The following ADAMTS20 variants were observed in gnomAD, a reference collection of about 807,000 sequenced individuals.
ADAMTS20 encodes the protein A disintegrin and metalloproteinase with thrombospondin motifs 20.
In ADAMTS20, 225 loss-of-function variants were observed where a neutral mutation model predicts 260.1. The ratio of observed to expected loss-of-function variants is 0.87; its 90% CI spans 0.78 to 0.97. The LOEUF is 0.97. ADAMTS20 is among the 50% of genes least tolerant of loss of function. The pLI is 0.00. For synonymous variants in ADAMTS20, 802 were observed against 769.5 expected (o/e 1.04, Z -0.70); for missense variants, 2,400 against 2,337.7 (o/e 1.03, Z -0.55).
In ADAMTS20 at chr12:43,377,369, C is replaced by T; in HGVS notation, c.4991G>A (p.Ser1664Asn). The T allele has an allele frequency of 1.2e-6, 2 of 1,610,260 alleles. No homozygotes were observed. The highest frequency in any genetic ancestry group is 1.7e-6 in the Non-Finnish European group (2 of 1,177,696). Residue 1664 changes from serine to asparagine, a missense_variant, in exon 32 of 39, where the codon AGC becomes AAC. Physicochemically the swap from Ser to Asn is conservative, Grantham distance 46. Transcript: ENST00000389420. ...HLATWKVGKW[S>N]KCSVTCGIGI... is the part of the protein sequence containing the mutation. ...AATTCATAATTGTACACCGACCTTG[C>T]TCCATTTTCCAACTTTCCAAGTGGC...
chr12:43,549,551 G>A (rs1943485176), intron 2 of ADAMTS20, among the ~76,000 whole-genome samples: 1 of 152,104 alleles, frequency 6.6e-6, no homozygotes, highest in African/African-American at 2.4e-5. Flanking sequence ...TTCCCATCTG[G>A]AATGCTTTTC....
At position 43,375,502 on chromosome 12, in the gene ADAMTS20, G is replaced by A; in HGVS notation, c.5323C>T (p.Pro1775Ser). Residue 1775 changes from proline (P) to serine (S), a missense_variant, in exon 36 of 39, where the codon CCA becomes TCA. Coordinates refer to ENST00000389420, the MANE Select transcript of ADAMTS20 (RefSeq NM_025003.5). ...CTCCCATTAAAAGGACATTGATATG[G>A]ATTTTTTAGTCTGTAACAACATTGG... ...SEVYGFRLKN[P>S]YQCPFNGSRR... The A allele has an allele frequency of 6.2e-7, 1 of 1,613,150 alleles. No individual in the cohort carries two copies. Among genetic ancestry groups the A allele is most frequent in the Non-Finnish European group, 8.5e-7 (1 of 1,179,458 alleles).
intron 37 of ADAMTS20, 100 bp downstream of exon 37, chr12:43,369,190 T>A: frequency 1.5e-6 from 1 of 646,152 alleles, no homozygotes; most frequent in East Asian, 3.6e-5. Context: ...CATTTCTATT[T>A]ACTTATGTTT....
chr12:43,382,682 A>G (rs1940380104), intron 31 of ADAMTS20, among the ~76,000 whole-genome samples: 1 of 152,096 alleles, frequency 6.6e-6, no homozygotes, highest in Non-Finnish European at 1.5e-5. Flanking sequence ...AAAATTCAAG[A>G]AAAAAATAAA....
intron 2 of ADAMTS20, among the ~76,000 whole-genome samples, chr12:43,538,480 T>C (rs554001013): frequency 2.6e-4 from 39 of 152,354 alleles, no homozygotes; most frequent in African/African-American, 8.2e-4. Context: ...CTCTTCACTT[T>C]GTTGATTGTA....
At chr12:43,446,278 C>A (rs1448175723) in intron 15 of ADAMTS20, among the ~76,000 whole-genome samples, 1 of 152,100 alleles carries the variant, frequency 6.6e-6, no homozygotes. Flanking sequence ...AGGGAAAAAA[C>A]CATTTCATTA....
intron 2 of ADAMTS20, among the ~76,000 whole-genome samples, chr12:43,542,211 A>C (rs764194947): frequency 1.3e-5 from 2 of 152,226 alleles, no homozygotes; most frequent in Non-Finnish European, 2.9e-5. Flanking sequence ...CTGTCTCCAA[A>C]ATATCCGTGA....
intron 16 of ADAMTS20, among the ~76,000 whole-genome samples, chr12:43,442,628 G>A (rs189888094): frequency 1.1e-4 from 16 of 152,130 alleles, no homozygotes; most frequent in East Asian, 9.7e-4. Context: ...GTCTACATTT[G>A]GAATCTAAGA....
chr12:43,470,261 G>T (rs1399962246), intron 7 of ADAMTS20, among the ~76,000 whole-genome samples: 1 of 152,082 alleles, frequency 6.6e-6, no homozygotes, highest in Non-Finnish European at 1.5e-5. Context: ...TTTTCAATTT[G>T]CCAAATTACA....
Position 43,502,419 on chromosome 12 carries a change from AAG to A in ADAMTS20, c.614-16_614-15del, listed in dbSNP as rs777956174. The stretch of plus-strand genomic sequence containing the variant: ...TTATTTGACTTTCTAGGGAGAAAAA[AAG>A]AATATAATGCAGAGCCATTAAATTG... On this transcript the variant is annotated splice_polypyrimidine_tract_variant and intron_variant, in intron 3 of 38. Coordinates refer to ENST00000389420, the MANE Select transcript of ADAMTS20 (RefSeq NM_025003.5). 4 of 1,575,454 alleles carry A rather than the reference AAG, an allele frequency of 2.5e-6. No individual in the cohort carries two copies. The highest frequency in any genetic ancestry group is 1.2e-5 in the South Asian group (1 of 82,928).
At position 43,436,737 on chromosome 12, in the gene ADAMTS20, C is replaced by G. The variant is rs1161745582; in HGVS notation, c.2594-2366G>C. Among the ~76,000 whole-genome samples the G allele has an allele frequency of 7.9e-5, 12 of 152,178 alleles. No individual in the cohort carries two copies. In the East Asian group the frequency reaches 2.3e-3, roughly 29 times the overall value. On this transcript the variant is annotated intron_variant, in intron 18 of 38. Transcript: ENST00000389420. ...GAAACAAGGTGGCTAAATAAAATTC[C>G]CCACACTGAATGATGTGATCCCAGC...
intron 5 of ADAMTS20, 42 bp from the exon 6 acceptor site, chr12:43,492,671 C>G: frequency 1.2e-6 from 2 of 1,603,804 alleles, no homozygotes; most frequent in Non-Finnish European, 1.7e-6. Flanking sequence ...AAAATATTAA[C>G]GTCCTCTTTT....
chr12:43,385,069 A>C (rs942962623), intron 29 of ADAMTS20, among the ~76,000 whole-genome samples: 1 of 152,120 alleles, frequency 6.6e-6, no homozygotes, highest in Non-Finnish European at 1.5e-5. Flanking sequence ...TTACTCTCCC[A>C]CCAACAGTGT....
rs1943325472 is a variant in ADAMTS20 at position 43,538,305 on chromosome 12, TTG to T, written c.454-6112_454-6111del. Among the ~76,000 whole-genome samples, 3 of 152,232 alleles carry T rather than the reference TTG, an allele frequency of 2.0e-5. 1 individual carries two copies. The highest frequency in any genetic ancestry group is 2.0e-4 in the Admixed American group (3 of 15,290). ...ATCTTTTCACATGCCTGTTTGCCATTTGTGTGTCTTCTTTTAAGAAAGTCTAT... is the reference window on the plus strand; with the variant it reads ...ATCTTTTCACATGCCTGTTTGCCATTTGTGTCTTCTTTTAAGAAAGTCTAT... On this transcript the variant is annotated intron_variant, in intron 2 of 38. Transcript: ENST00000389420.
chr12:43,367,201 GC>G (rs949133962), intron 37 of ADAMTS20, among the ~76,000 whole-genome samples: 2 of 151,546 alleles, frequency 1.3e-5, no homozygotes, highest in Admixed American at 1.3e-4. Context: ...ATTCTATAAG[GC>G]CACTATTTCT....
intron 3 of ADAMTS20, among the ~76,000 whole-genome samples, chr12:43,528,256 A>G (rs1943169502): frequency 6.7e-6 from 1 of 149,420 alleles, no homozygotes; most frequent in South Asian, 2.2e-4. Context: ...AAATGACCAC[A>G]TTGCCAAAAA....
At chr12:43,525,370 C>T (rs1380118692) in intron 3 of ADAMTS20, among the ~76,000 whole-genome samples, 1 of 152,152 alleles carries the variant, frequency 6.6e-6, no homozygotes, top group Non-Finnish European at 1.5e-5. Flanking sequence ...ATAAGAAATG[C>T]TGAAAGGAGT....
intron 28 of ADAMTS20, among the ~76,000 whole-genome samples, chr12:43,416,349 CA>C (rs5797864): frequency 0.036 from 5,221 of 146,980 alleles, 138 homozygotes; most frequent in East Asian, 0.08. Context: ...ACACCCAGTC[CA>C]AAAAAAAAAA....
At chr12:43,471,290 C>T (rs531520326) in intron 7 of ADAMTS20, among the ~76,000 whole-genome samples, 6 of 152,130 alleles carry the variant, frequency 3.9e-5, no homozygotes, top group East Asian at 1.9e-4. Context: ...GCTTAAAACA[C>T]GGCGCACCAC....
Sources: allele counts gnomAD v4.1 joint callset (sites outside exome capture counted in the v4.1 genomes callset), GRCh38; gene constraint gnomAD v4.1.1; transcripts MANE v1.5; gene names NCBI Gene and HGNC (gene_info 2026-07-23, HGNC 2026-07-21).